The following DCAF5 variants were observed in gnomAD, a reference collection of about 807,000 sequenced individuals.
The protein encoded by DCAF5 is DDB1- and CUL4-associated factor 5.
In DCAF5, 9 loss-of-function variants were observed where a neutral mutation model predicts 80.7. That is an observed-to-expected ratio of 0.11 (90% CI 0.07 to 0.19). The LOEUF (loss-of-function observed/expected upper bound fraction) is 0.19, where lower values mean the gene tolerates loss of function less well. Ranked by LOEUF, DCAF5 falls within the 10% of genes least tolerant of loss-of-function variation. DCAF5 has a pLI of 1.00. For synonymous variants in DCAF5, 433 were observed against 461.9 expected (o/e 0.94, Z 0.80); for missense variants, 842 against 1,205.7 (o/e 0.70, Z 4.47).
At chr14:69,083,475 G>T in intron 6 of DCAF5, 1 of 327,892 alleles carries the variant, frequency 3.0e-6, no homozygotes, top group South Asian at 3.2e-5. Flanking sequence ...GGAACCTAAA[G>T]TTGCAGGGGG....
intron 5 of DCAF5, among the ~76,000 whole-genome samples, chr14:69,099,324 C>T (rs1489695920): frequency 6.7e-6 from 1 of 148,814 alleles, no homozygotes; most frequent in East Asian, 2.0e-4. Context: ...AAACAGGCTC[C>T]ATCGAGATTC....
At chr14:69,117,462 G>A (rs2040577605) in intron 4 of DCAF5, among the ~76,000 whole-genome samples, 1 of 152,214 alleles carries the variant, frequency 6.6e-6, no homozygotes, top group African/African-American at 2.4e-5. Context: ...GTACACAGCT[G>A]TGATCATTAC....
At chr14:69,129,451 G>C (rs1241644323) in intron 1 of DCAF5, among the ~76,000 whole-genome samples, 5 of 152,152 alleles carry the variant, frequency 3.3e-5, no homozygotes, top group Admixed American at 6.5e-5. Context: ...ACCCAGCAGA[G>C]GGCGCTAAAC....
At chr14:69,104,114 G>A (rs2040053396) in intron 5 of DCAF5, among the ~76,000 whole-genome samples, 1 of 152,142 alleles carries the variant, frequency 6.6e-6, no homozygotes, top group South Asian at 2.1e-4. Context: ...ATAGATCCAA[G>A]AATGAAATTG....
At chr14:69,082,160 T>C (rs867627153) in intron 6 of DCAF5, among the ~76,000 whole-genome samples, 1 of 152,242 alleles carries the variant, frequency 6.6e-6, no homozygotes, top group South Asian at 2.1e-4. Context: ...TGGCATATAA[T>C]ACACCTTTGA....
Position 69,118,314 on chromosome 14 carries a change from T to C in DCAF5, c.396-36A>G, listed in dbSNP as rs758162242. 1.3e-5 allele frequency: 21 copies of C among 1,609,440 alleles called. No homozygotes were observed. Among genetic ancestry groups the C allele is most frequent in the Non-Finnish European group, 1.8e-5 (21 of 1,177,066 alleles). ...AGAGAGCAAGACAGAGGCACACACA[T>C]ACACACAAGCATAGTGCAGAGTCCC... On this transcript the variant is annotated intron_variant, in intron 3 of 8. Transcript: ENST00000341516. This position sits in a 1 kb window ranked among gnomAD's most constrained non-coding sequence, Gnocchi z 4.0.
At chr14:69,080,857 C>T (rs1009263502) in intron 6 of DCAF5, among the ~76,000 whole-genome samples, 4 of 152,044 alleles carry the variant, frequency 2.6e-5, no homozygotes, top group African/African-American at 7.2e-5. Context: ...TTTAGAAAGG[C>T]AAAAACTAAA....
intron 1 of DCAF5, among the ~76,000 whole-genome samples, chr14:69,149,793 C>T (rs1352516704): frequency 6.6e-6 from 1 of 152,158 alleles, no homozygotes. Flanking sequence ...GTCTGGCATC[C>T]CACTACATTA....
chr14:69,081,402 C>T (rs2039097609), intron 6 of DCAF5, among the ~76,000 whole-genome samples: 2 of 152,302 alleles, frequency 1.3e-5, no homozygotes, highest in South Asian at 4.1e-4. Context: ...TCCCAGCTGG[C>T]TACAAAGGTT....
chr14:69,073,188 G>C (rs763752910), intron 7 of DCAF5, among the ~76,000 whole-genome samples: 1 of 152,110 alleles, frequency 6.6e-6, no homozygotes, highest in Admixed American at 6.5e-5. Context: ...ATTTTTTAAG[G>C]AACTACTAAA....
chr14:69,089,028 A>G (rs2039440006), intron 6 of DCAF5, among the ~76,000 whole-genome samples: 1 of 152,192 alleles, frequency 6.6e-6, no homozygotes, highest in Non-Finnish European at 1.5e-5. Context: ...GATTAGTTCC[A>G]CTATAAATCC....
At chr14:69,140,246 G>A (rs1026856264) in intron 1 of DCAF5, among the ~76,000 whole-genome samples, 2 of 151,648 alleles carry the variant, frequency 1.3e-5, no homozygotes, top group African/African-American at 4.9e-5. Context: ...CAGCCTGGGC[G>A]ACAGAATGAG....
intron 1 of DCAF5, among the ~76,000 whole-genome samples, chr14:69,139,826 C>CAAA (rs553940292): frequency 3.6e-5 from 2 of 55,332 alleles, no homozygotes; most frequent in African/African-American, 1.4e-4. Context: ...GACCCTGTCT[C>CAAA]AAAAAAAAAA....
chr14:69,086,353 G>A (rs756084203), intron 6 of DCAF5, among the ~76,000 whole-genome samples: 4 of 151,804 alleles, frequency 2.6e-5, no homozygotes, highest in East Asian at 3.9e-4. Context: ...GCAAGACTCC[G>A]TCTAAAAACA....
At position 69,150,600 on chromosome 14, in the gene DCAF5, G is replaced by C. The variant is rs552906546; in HGVS notation, c.214+2165C>G. ...CAATAAATTTGTTATTTTTTTTAAA[G>C]TGTGAGCTAGGCATGGTGGCTTATG... On this transcript the variant is annotated intron_variant, in intron 1 of 8. Transcript: ENST00000341516. Among the ~76,000 whole-genome samples, 23 of 152,068 alleles carry C rather than the reference G, an allele frequency of 1.5e-4. No homozygotes were observed. The South Asian group carries it at 4.6e-3, about 30-fold the overall frequency.
intron 6 of DCAF5, among the ~76,000 whole-genome samples, chr14:69,088,228 AG>A (rs1417394863): frequency 6.6e-6 from 1 of 152,308 alleles, no homozygotes; most frequent in East Asian, 1.9e-4. Context: ...TACAGTGAAA[AG>A]GGGTCTCTAT....
At chr14:69,123,697 GTTC>G (rs2040793731) in intron 1 of DCAF5, among the ~76,000 whole-genome samples, 1 of 152,060 alleles carries the variant, frequency 6.6e-6, no homozygotes, top group Admixed American at 6.6e-5. Context: ...CCTAGTCACT[GTTC>G]TTTTTTTTTG....
chr14:69,129,746 C>G (rs528793703), intron 1 of DCAF5, among the ~76,000 whole-genome samples: 141 of 152,306 alleles, frequency 9.3e-4, no homozygotes, highest in Middle Eastern at 3.4e-3. Context: ...CCCAGCCTCT[C>G]TGGGGCACCG....
chr14:69,063,176 C>CA (rs2038294017), intron 7 of DCAF5, among the ~76,000 whole-genome samples: 1 of 152,000 alleles, frequency 6.6e-6, no homozygotes, highest in Non-Finnish European at 1.5e-5. Flanking sequence ...TTAAAGATAC[C>CA]ATGTATAGAT....
Sources: gnomAD v4.1 joint callset for allele counts (sites outside exome capture counted in the v4.1 genomes callset) on GRCh38, gnomAD v4.1.1 for gene constraint, Gnocchi (gnomAD v3.1) non-coding constraint, MANE v1.5 for transcripts, NCBI Gene and HGNC (gene_info 2026-07-23, HGNC 2026-07-21) for gene names.